Variants in EML6 observed in about 807,000 individuals in gnomAD.
EML6 encodes the protein echinoderm microtubule-associated protein-like 6.
A neutral mutation model predicts 240.1 loss-of-function variants in EML6; 154 were observed. That is an observed-to-expected ratio of 0.64 (90% CI 0.56 to 0.73). EML6 has a LOEUF of 0.73. EML6 is among the 30% of genes least tolerant of loss of function. EML6 has a pLI of 0.00. For synonymous variants in EML6, 1,148 were observed against 899.0 expected, an observed-to-expected ratio of 1.28 and a Z score of -4.95; for missense variants, 2,964 against 2,474.6, an observed-to-expected ratio of 1.20 and a Z score of -4.20.
chr2:54,910,270 A>T (rs1480903575), intron 24 of EML6, among the ~76,000 whole-genome samples: 1 of 152,230 alleles, frequency 6.6e-6, no homozygotes, highest in Non-Finnish European at 1.5e-5. Context: ...AGTCATTTAC[A>T]TTTTAAGCCT....
Position 54,899,801 on chromosome 2 carries a change from C to G in EML6, c.3124+19C>G, listed in dbSNP as rs1672960645. The G allele has an allele frequency of 1.3e-6, 2 of 1,541,744 alleles. No homozygotes were observed. The highest frequency in any genetic ancestry group is 4.0e-5 in the Admixed American group (2 of 49,796). On this transcript the variant is annotated intron_variant, in intron 22 of 41. Transcript: ENST00000356458. Reference sequence around the variant, plus strand: ...AAAAAAGGTACATAACACCACCTTACACATCTGTCAGAGTATTTACAAGTA... The same window carrying G: ...AAAAAAGGTACATAACACCACCTTAGACATCTGTCAGAGTATTTACAAGTA...
Position 54,892,523 on chromosome 2 carries a change from C to G in EML6, c.2609C>G (p.Ser870Cys). The G allele has an allele frequency of 2.6e-6, 4 of 1,551,464 alleles. No homozygotes were observed. The highest frequency in any genetic ancestry group is 3.5e-6 in the Non-Finnish European group (4 of 1,146,822). The stretch of plus-strand genomic sequence containing the variant: ...AAATTGGAAACAATGATGTGTGTTT[C>G]TTACGGACGAATGGAAGATCTAGTG... ...VGKLETMMCV[S>C]YGRMEDLVFS... The change falls in exon 19 of 42, where the codon TCT (serine) becomes TGT (cysteine). Residue 870 changes from serine (S) to cysteine (C), a missense_variant. By Grantham distance (112) the Ser-to-Cys change is moderately radical (BLOSUM62 -1). Transcript: ENST00000356458.
intron 2 of EML6, among the ~76,000 whole-genome samples, chr2:54,802,663 C>CTAT (rs1670229606): frequency 6.9e-6 from 1 of 145,928 alleles, no homozygotes; most frequent in African/African-American, 2.7e-5. Context: ...ACTACTACTA[C>CTAT]TACTGCTACT....
chr2:54,767,552 C>G (rs1668232453), intron 2 of EML6, among the ~76,000 whole-genome samples: 1 of 151,078 alleles, frequency 6.6e-6, no homozygotes, highest in Non-Finnish European at 1.5e-5. Flanking sequence ...CACATATTTA[C>G]TGAGTAGCCT....
chr2:54,957,821 G>C lies in EML6; in HGVS notation c.4518G>C (p.Leu1506=). The part of the protein sequence containing the change: ...GAKVASRGGH[L]ERIFVVEFRP... ...AGGTTGCCAGCCGAGGGGGTCACCT[G>C]GAGCGCATATTTGTGGTGGAATTTC... The change falls in exon 33 of 42, where the codon CTG becomes CTC. Residue 1506 remains leucine (L), a synonymous_variant. Coordinates refer to ENST00000356458, the MANE Select transcript of EML6 (RefSeq NM_001039753.4). The C allele has an allele frequency of 6.5e-7, 1 of 1,550,134 alleles. No individual in the cohort carries two copies. The highest frequency in any genetic ancestry group is 8.7e-7 in the Non-Finnish European group (1 of 1,147,000).
intron 7 of EML6, among the ~76,000 whole-genome samples, chr2:54,842,523 G>A (rs561615584): frequency 1.4e-4 from 22 of 152,274 alleles, no homozygotes; most frequent in Admixed American, 1.0e-3. Context: ...CTAGCCAGCT[G>A]GACCTAGAGC....
At chr2:54,956,041 A>G (rs1393691364) in intron 32 of EML6, among the ~76,000 whole-genome samples, 1 of 150,806 alleles carries the variant, frequency 6.6e-6, no homozygotes, top group African/African-American at 2.4e-5. Flanking sequence ...GTGTGTAGGT[A>G]AAAATAAAAT....
intron 3 of EML6, 121 bp downstream of exon 3, chr2:54,813,512 C>A: frequency 1.2e-6 from 1 of 857,710 alleles, no homozygotes; most frequent in East Asian, 2.7e-5. Flanking sequence ...GGCACAGCCT[C>A]CTAGAATTTT....
intron 2 of EML6, among the ~76,000 whole-genome samples, chr2:54,782,076 T>A (rs1385992663): frequency 6.6e-6 from 1 of 152,214 alleles, no homozygotes; most frequent in African/African-American, 2.4e-5. Flanking sequence ...CCAACCAAAT[T>A]GCATTCTGTA....
Position 54,859,629 on chromosome 2 carries a change from G to A in EML6, c.1753G>A (p.Asp585Asn). 1 of 1,551,356 alleles carries A rather than the reference G, an allele frequency of 6.4e-7. No individual in the cohort carries two copies. Among genetic ancestry groups the A allele is most frequent in the Non-Finnish European group, 8.7e-7 (1 of 1,146,870 alleles). Residue 585 changes from aspartate to asparagine, a missense_variant, in exon 12 of 42, where the codon GAT becomes AAT. Physicochemically the swap from Asp to Asn is conservative, Grantham distance 23. Coordinates refer to ENST00000356458, the MANE Select transcript of EML6 (RefSeq NM_001039753.4). ...FQWVLSTGGA[D>N]HSVFQWRFIP... The stretch of plus-strand genomic sequence containing the variant: ...GTGGGTGTTGAGCACAGGAGGGGCT[G>A]ATCACTCAGTTTTCCAGTGGAGGTT...
intron 28 of EML6, among the ~76,000 whole-genome samples, chr2:54,947,447 TTTGA>T (rs1240635021): frequency 6.6e-6 from 1 of 152,132 alleles, no homozygotes; most frequent in African/African-American, 2.4e-5. Context: ...CATAACGTGT[TTTGA>T]TTGAAGAGTT....
intron 28 of EML6, among the ~76,000 whole-genome samples, chr2:54,938,381 C>A (rs560920473): frequency 1.3e-5 from 2 of 152,262 alleles, no homozygotes; most frequent in South Asian, 4.1e-4. Context: ...AAGGCAGGAG[C>A]TAATAGCAAT....
chr2:54,797,174 A>AC (rs1669845516), intron 2 of EML6, among the ~76,000 whole-genome samples: 1 of 140,970 alleles, frequency 7.1e-6, no homozygotes, highest in Non-Finnish European at 1.6e-5. Context: ...CAAAAAAAAA[A>AC]AAAAAAAAAA....
chr2:54,892,387 G>T lies in EML6; in HGVS notation c.2540-67G>T, dbSNP rs188244870. On this transcript the variant is annotated intron_variant, in intron 18 of 41. Transcript: ENST00000356458. ...AGACACCAGGTTTCTCATGGAAGTA[G>T]TCCTTCTACATGCTTATAGGAAGTG... 9 of 1,029,474 alleles carry T rather than the reference G, an allele frequency of 8.7e-6. No individual in the cohort carries two copies. The African/African-American group carries it at 1.5e-4, about 17-fold the overall frequency. 63.8% of individuals were successfully genotyped at this position (1,029,474 alleles called of 1,614,324 possible). A position where few individuals can be genotyped will look rare whatever the true frequency, so the allele number is the denominator to read the frequency against.
intron 15 of EML6, among the ~76,000 whole-genome samples, chr2:54,870,649 C>T (rs1437884132): frequency 3.3e-5 from 5 of 151,904 alleles, no homozygotes; most frequent in East Asian, 1.9e-4. Flanking sequence ...GCTTGATTCA[C>T]GTGTATTTAA....
intron 24 of EML6, among the ~76,000 whole-genome samples, chr2:54,910,282 A>T (rs995106390): frequency 1.6e-4 from 25 of 152,266 alleles, no homozygotes; most frequent in Admixed American, 1.2e-3. Flanking sequence ...TTTAAGCCTT[A>T]CAAGATTGTT....
rs944401934 is a variant in EML6 at position 54,961,234 on chromosome 2, G to A, written c.4968+900G>A. ...GGAGTCTTGCTCTGTTGCCCAGGGGGAGTACTGTGGCATGATCTCAACTCA... is the reference window on the plus strand; with the variant it reads ...GGAGTCTTGCTCTGTTGCCCAGGGGAAGTACTGTGGCATGATCTCAACTCA... On this transcript the variant is annotated intron_variant, in intron 35 of 41. Coordinates refer to ENST00000356458, the MANE Select transcript of EML6 (RefSeq NM_001039753.4). Among the ~76,000 whole-genome samples, 12 of 108,762 alleles carry A rather than the reference G, an allele frequency of 1.1e-4. No homozygotes were observed. The Admixed American group carries it at 1.4e-3, about 13-fold the overall frequency. The allele number at this position is 108,762 out of a possible 152,430, so 71.4% of individuals were successfully genotyped here.
At chr2:54,801,812 T>G (rs1189450573) in intron 2 of EML6, among the ~76,000 whole-genome samples, 1 of 152,268 alleles carries the variant, frequency 6.6e-6, no homozygotes, top group East Asian at 1.9e-4. Context: ...TGAGGCCCTA[T>G]GTATTAAAAC....
Position 54,866,765 on chromosome 2 carries a change from G to T in EML6, c.1933-1G>T. On this transcript the variant is annotated splice_acceptor_variant, in intron 13 of 41. Coordinates refer to ENST00000356458, the MANE Select transcript of EML6 (RefSeq NM_001039753.4). LOFTEE classifies it high-confidence loss of function. ...CCCAGATGTTTCTGTTGTACTTTAA[G>T]GTTTACAAAGAAGATCTACCTCAGC... is the stretch of plus-strand genomic sequence containing the variant. 6.5e-7 allele frequency: 1 copy of T among 1,540,106 alleles called. No homozygotes were observed. Among genetic ancestry groups the T allele is most frequent in the Non-Finnish European group, 8.8e-7 (1 of 1,136,882 alleles).
Sources: allele counts gnomAD v4.1 joint callset (sites outside exome capture counted in the v4.1 genomes callset), GRCh38; gene constraint gnomAD v4.1.1; transcripts MANE v1.5; gene names NCBI Gene and HGNC (gene_info 2026-07-23, HGNC 2026-07-21).